Variants in DNAH9 observed in about 807,000 individuals in gnomAD.
The protein encoded by DNAH9 is dynein axonemal heavy chain 9, also known as DNAH9 variant protein.
Under a neutral mutation model 471.6 loss-of-function variants are expected in DNAH9, and 345 were observed. That is an observed-to-expected ratio of 0.73 (90% CI 0.67 to 0.80). DNAH9 has a LOEUF of 0.80. Among genes scored for constraint, DNAH9 ranks in the 30% least tolerant of loss-of-function variants. DNAH9 has a pLI of 0.00. For missense variants in DNAH9, 5,407 were observed against 5,609.2 expected (o/e 0.96, Z 1.15); for synonymous variants, 2,093 against 2,123.6 (o/e 0.99, Z 0.40).
chr17:11,929,225 G>A (rs563895057), intron 62 of DNAH9, among the ~76,000 whole-genome samples: 2 of 151,824 alleles, frequency 1.3e-5, no homozygotes, highest in South Asian at 2.1e-4. Context: ...TAGTAGAGAC[G>A]GGGTTTCACC....
intron 31 of DNAH9, among the ~76,000 whole-genome samples, chr17:11,746,965 A>T (rs1001880702): frequency 1.3e-5 from 2 of 152,244 alleles, no homozygotes; most frequent in Non-Finnish European, 2.9e-5. Context: ...AAGAAAAAAA[A>T]TCCTGAAATG....
At chr17:11,775,117 C>T (rs1245756327) in intron 38 of DNAH9, among the ~76,000 whole-genome samples, 2 of 152,108 alleles carry the variant, frequency 1.3e-5, no homozygotes, top group African/African-American at 4.8e-5. Context: ...GTAATGGAGT[C>T]ACAAAATGTG....
chr17:11,755,709 CAG>C (rs1967355089), intron 33 of DNAH9, among the ~76,000 whole-genome samples: 1 of 151,696 alleles, frequency 6.6e-6, no homozygotes. Flanking sequence ...CACACACACA[CAG>C]GGGTGGTGGT....
chr17:11,796,543 C>T (rs1244209405), intron 42 of DNAH9, among the ~76,000 whole-genome samples: 1 of 152,184 alleles, frequency 6.6e-6, no homozygotes, highest in Admixed American at 6.5e-5. Flanking sequence ...TGGTGAATCT[C>T]ATCCCATAGG....
chr17:11,944,823 T>G (rs1281924616), intron 67 of DNAH9, among the ~76,000 whole-genome samples: 1 of 152,174 alleles, frequency 6.6e-6, no homozygotes, highest in African/African-American at 2.4e-5. Flanking sequence ...CAGGAAATTC[T>G]TATGATGACT....
At chr17:11,902,587 C>T in intron 59 of DNAH9, 132 bp from the exon 60 acceptor site, 1 of 900,064 alleles carries the variant, frequency 1.1e-6, no homozygotes, top group Non-Finnish European at 1.7e-6. Context: ...GGGGATGATC[C>T]AAAGCTCTAG....
intron 17 of DNAH9, among the ~76,000 whole-genome samples, chr17:11,674,029 G>A (rs2074012962): frequency 6.6e-6 from 1 of 152,080 alleles, no homozygotes; most frequent in Admixed American, 6.5e-5. Context: ...GATTTATCCA[G>A]GTTGACAGTA....
At chr17:11,643,695 G>A (rs564350284) in intron 10 of DNAH9, among the ~76,000 whole-genome samples, 8 of 152,110 alleles carry the variant, frequency 5.3e-5, no homozygotes, top group Non-Finnish European at 8.8e-5. Context: ...CACGCTCTAT[G>A]ATCAATATGC....
chr17:11,834,949 C>A (rs1176530124), intron 49 of DNAH9, 51 bp downstream of exon 49: 1 of 1,583,192 alleles, frequency 6.3e-7, no homozygotes, highest in Admixed American at 1.7e-5. Flanking sequence ...CTGGTAGACG[C>A]AGAGACCACC....
At chr17:11,856,334 T>C (rs1319958455) in intron 50 of DNAH9, among the ~76,000 whole-genome samples, 1 of 152,190 alleles carries the variant, frequency 6.6e-6, no homozygotes, top group Non-Finnish European at 1.5e-5. Context: ...CATGGGTTTA[T>C]TGATTGTTAG....
chr17:11,846,030 G>T (rs1428717799), intron 49 of DNAH9, among the ~76,000 whole-genome samples: 1 of 151,912 alleles, frequency 6.6e-6, no homozygotes, highest in East Asian at 1.9e-4. Flanking sequence ...GTCAGTTTTG[G>T]CTTTTGTTGC....
intron 21 of DNAH9, 145 bp from the exon 22 acceptor site, chr17:11,694,176 A>G (rs2150758737): frequency 1.7e-6 from 2 of 1,193,554 alleles, no homozygotes; most frequent in Non-Finnish European, 2.4e-6. Context: ...AGACACATCC[A>G]TGTATATCTT....
At chr17:11,621,021 G>A (rs1244601647) in intron 6 of DNAH9, among the ~76,000 whole-genome samples, 1 of 152,122 alleles carries the variant, frequency 6.6e-6, no homozygotes, top group South Asian at 2.1e-4. Flanking sequence ...TTACAGCTAT[G>A]TGTTTGCTGA....
At chr17:11,621,947 G>A (rs1029871453) in intron 6 of DNAH9, among the ~76,000 whole-genome samples, 3 of 151,932 alleles carry the variant, frequency 2.0e-5, no homozygotes, top group African/African-American at 4.8e-5. Flanking sequence ...TTAGCCTGGT[G>A]TGGTGACGTG....
intron 1 of DNAH9, among the ~76,000 whole-genome samples, chr17:11,599,876 A>G (rs1326866402): frequency 6.6e-6 from 1 of 152,230 alleles, no homozygotes; most frequent in Non-Finnish European, 1.5e-5. Flanking sequence ...TGCTTACTCC[A>G]AGGAGCTGAA....
At chr17:11,798,432 C>CAAAAA (rs71142247) in intron 43 of DNAH9, among the ~76,000 whole-genome samples, 2 of 61,596 alleles carry the variant, frequency 3.2e-5, no homozygotes, top group African/African-American at 6.3e-5. Context: ...GACTCTGCCT[C>CAAAAA]AAAAAAAAAA....
Position 11,875,072 on chromosome 17 carries a change from CTCA to C in DNAH9, c.10370_10372del (p.Ile3457del). On this transcript the variant is annotated inframe_deletion, in exon 53 of 69. Coordinates refer to ENST00000262442, the MANE Select transcript of DNAH9 (RefSeq NM_001372.4). ...CATGTCCGTGGAGAATGCCACCATT[CTCA>C]TCAACTGTGAGCGCTGGCCACTCAT... is the stretch of plus-strand genomic sequence containing the variant. 6.2e-7 allele frequency: 1 copy of C among 1,614,162 alleles called. No homozygotes were observed. Among genetic ancestry groups the C allele is most frequent in the Non-Finnish European group, 8.5e-7 (1 of 1,180,042 alleles).
At chr17:11,719,220 A>C in intron 26 of DNAH9, 114 bp from the exon 27 acceptor site, 1 of 1,044,506 alleles carries the variant, frequency 9.6e-7, no homozygotes, top group Non-Finnish European at 1.4e-6. Flanking sequence ...AAAAAGGGGC[A>C]GGGCTCTTGG....
At chr17:11,963,401 T>G (rs904618933) in intron 68 of DNAH9, among the ~76,000 whole-genome samples, 1 of 151,278 alleles carries the variant, frequency 6.6e-6, no homozygotes, top group African/African-American at 2.4e-5. Context: ...ACCATTGCAT[T>G]CCAGCCTGGG....
Sources: allele counts gnomAD v4.1 joint callset (sites outside exome capture counted in the v4.1 genomes callset), GRCh38; gene constraint gnomAD v4.1.1; transcripts MANE v1.5; gene names NCBI Gene and HGNC (gene_info 2026-07-23, HGNC 2026-07-21).